The following DENND5B variants were observed in gnomAD, a reference collection of about 807,000 sequenced individuals.
DENND5B encodes the protein DENN domain containing 5B.
DENND5B carries 34 observed loss-of-function variants against 140.6 expected under a neutral mutation model. The ratio of observed to expected loss-of-function variants is 0.24; its 90% CI spans 0.18 to 0.32. The LOEUF is 0.32. Ranked by LOEUF, DENND5B falls within the 10% of genes least tolerant of loss-of-function variation. The pLI is 1.00. For missense variants in DENND5B, 1,142 were observed against 1,560.2 expected, an observed-to-expected ratio of 0.73 and a Z score of 4.52; for synonymous variants, 551 against 562.1, an observed-to-expected ratio of 0.98 and a Z score of 0.28.
intron 1 of DENND5B, among the ~76,000 whole-genome samples, chr12:31,548,898 G>T (rs964345140): frequency 1.3e-5 from 2 of 151,752 alleles, no homozygotes; most frequent in Non-Finnish European, 2.9e-5. Flanking sequence ...AAAGCCAAGG[G>T]TTTTTTTTCC....
At chr12:31,418,855 G>A (rs1942891806) in intron 11 of DENND5B, among the ~76,000 whole-genome samples, 1 of 152,142 alleles carries the variant, frequency 6.6e-6, no homozygotes, top group Non-Finnish European at 1.5e-5. Context: ...GCCCAGGCTG[G>A]TCTCAAACGC....
At chr12:31,558,447 T>G (rs1362324301) in intron 1 of DENND5B, among the ~76,000 whole-genome samples, 1 of 152,160 alleles carries the variant, frequency 6.6e-6, no homozygotes, top group Non-Finnish European at 1.5e-5. Context: ...CATGTAGACC[T>G]CCAGGGCTTA....
intron 19 of DENND5B, among the ~76,000 whole-genome samples, chr12:31,391,053 T>G (rs552657626): frequency 6.6e-6 from 1 of 152,270 alleles, no homozygotes; most frequent in African/African-American, 2.4e-5. Context: ...TGTCACTACT[T>G]AGCTCAAAAC....
At chr12:31,390,093 C>T (rs1941046545) in intron 19 of DENND5B, among the ~76,000 whole-genome samples, 1 of 151,988 alleles carries the variant, frequency 6.6e-6, no homozygotes, top group South Asian at 2.1e-4. Context: ...TTCATCTAGG[C>T]CTTATTTAGA....
rs1452103970 is a variant in DENND5B, at chr12:31,387,046, A to G, written c.*557T>C. Reference sequence around the variant, plus strand: ...AGACTGGAAAAGTGACTAGCGATTCAAATATATAAAACAGTTTGTAACTTA... The same window carrying G: ...AGACTGGAAAAGTGACTAGCGATTCGAATATATAAAACAGTTTGTAACTTA... On this transcript the variant is annotated 3_prime_UTR_variant, in exon 21 of 21. Transcript: ENST00000389082. 1 of 152,196 alleles carries G rather than the reference A, an allele frequency of 6.6e-6. No individual in the cohort carries two copies. The highest frequency in any genetic ancestry group is 2.4e-5 in the African/African-American group (1 of 41,440). The allele number at this position is 152,196 out of a possible 1,614,324, so 9.4% of individuals were successfully genotyped here.
At chr12:31,508,363 C>T (rs1947282599) in intron 1 of DENND5B, among the ~76,000 whole-genome samples, 1 of 152,176 alleles carries the variant, frequency 6.6e-6, no homozygotes, top group African/African-American at 2.4e-5. Flanking sequence ...CACTTTCTTC[C>T]TCCTACATTA....
intron 11 of DENND5B, among the ~76,000 whole-genome samples, chr12:31,419,791 T>C (rs571321621): frequency 2.6e-5 from 4 of 151,972 alleles, no homozygotes; most frequent in East Asian, 1.9e-4. Flanking sequence ...CTGGCCAACA[T>C]GGTGAACTCT....
At chr12:31,472,184 A>C (rs1056067038) in intron 3 of DENND5B, among the ~76,000 whole-genome samples, 1 of 152,192 alleles carries the variant, frequency 6.6e-6, no homozygotes, top group African/African-American at 2.4e-5. Context: ...CATCTTACAG[A>C]TGCTAATAAA....
At chr12:31,422,190 C>T (rs961104500) in intron 11 of DENND5B, among the ~76,000 whole-genome samples, 25 of 149,778 alleles carry the variant, frequency 1.7e-4, no homozygotes, top group African/African-American at 5.9e-4. Context: ...GAGGCCGAGG[C>T]GGGTGGATCA....
intron 1 of DENND5B, among the ~76,000 whole-genome samples, chr12:31,529,480 T>TA (rs1371137100): frequency 3.3e-5 from 5 of 152,086 alleles, no homozygotes; most frequent in Non-Finnish European, 7.4e-5. Context: ...ATATTCCACT[T>TA]AAACATTCCA....
intron 7 of DENND5B, among the ~76,000 whole-genome samples, chr12:31,441,198 G>A (rs1378123667): frequency 6.6e-6 from 1 of 152,138 alleles, no homozygotes; most frequent in Non-Finnish European, 1.5e-5. Context: ...ACAAAAATTA[G>A]CTAGGTGTGG....
chr12:31,393,750 C>T (rs111401291), intron 17 of DENND5B, among the ~76,000 whole-genome samples: 1 of 152,102 alleles, frequency 6.6e-6, no homozygotes, highest in Non-Finnish European at 1.5e-5. Flanking sequence ...TGCAGTGGTG[C>T]AATGTCGGCT....
At chr12:31,566,338 C>CTGTGTG (rs6144677) in intron 1 of DENND5B, among the ~76,000 whole-genome samples, 49,655 of 148,308 alleles carry the variant, frequency 0.33, 9,288 homozygotes, top group Non-Finnish European at 0.44. Context: ...CTCTTAAAAA[C>CTGTGTG]TGTGTGTGTG....
chr12:31,564,561 C>CTATTATTAT (rs3074755), intron 1 of DENND5B, among the ~76,000 whole-genome samples: 4,190 of 135,998 alleles, frequency 0.031, 91 homozygotes, highest in East Asian at 0.087. Flanking sequence ...TCTTTTCATT[C>CTATTATTAT]TATTATTATT....
intron 1 of DENND5B, among the ~76,000 whole-genome samples, chr12:31,525,608 T>A (rs1565664366): frequency 3.3e-5 from 5 of 152,248 alleles, no homozygotes; most frequent in African/African-American, 9.6e-5. Context: ...TGCACAACTC[T>A]GTGAATATAT....
At chr12:31,437,624 ATATAC>A (rs1160380598) in intron 7 of DENND5B, among the ~76,000 whole-genome samples, 1 of 152,172 alleles carries the variant, frequency 6.6e-6, no homozygotes, top group African/African-American at 2.4e-5. Flanking sequence ...CATGTTTAAT[ATATAC>A]TTTTTCCTAA....
intron 7 of DENND5B, among the ~76,000 whole-genome samples, chr12:31,434,389 C>T (rs997786422): frequency 1.3e-5 from 2 of 152,066 alleles, no homozygotes; most frequent in African/African-American, 2.4e-5. Flanking sequence ...CTGCTGGTAT[C>T]GAAACTGCCT....
chr12:31,416,389 G>C (rs796971247), intron 11 of DENND5B, among the ~76,000 whole-genome samples: 1 of 151,702 alleles, frequency 6.6e-6, no homozygotes, highest in African/African-American at 2.4e-5. Context: ...TCAGCCTCCC[G>C]AGTAGCTGGG....
At chr12:31,445,616 G>A (rs1944241038) in intron 6 of DENND5B, among the ~76,000 whole-genome samples, 1 of 151,616 alleles carries the variant, frequency 6.6e-6, no homozygotes, top group African/African-American at 2.4e-5. Flanking sequence ...GTGGTGGGAG[G>A]ATCACTTCAA....
Sources: gnomAD v4.1 joint callset for allele counts (sites outside exome capture counted in the v4.1 genomes callset) on GRCh38, gnomAD v4.1.1 for gene constraint, MANE v1.5 for transcripts, NCBI Gene and HGNC (gene_info 2026-07-23, HGNC 2026-07-21) for gene names.